Variants in SMYD3 observed in about 807,000 individuals in gnomAD.
The protein encoded by SMYD3 is histone-lysine N-methyltransferase SMYD3.
A neutral mutation model predicts 57.7 loss-of-function variants in SMYD3; 36 were observed. The observed-to-expected ratio is 0.62, with a 90% CI of 0.48 to 0.82. SMYD3 has a LOEUF of 0.82. SMYD3 is among the 40% of genes least tolerant of loss of function. The pLI, the probability that SMYD3 is intolerant of heterozygous loss-of-function variation, is 0.00. For synonymous variants in SMYD3, 211 were observed against 195.0 expected (o/e 1.08, Z -0.68); for missense variants, 515 against 538.8 (o/e 0.96, Z 0.44).
intron 1 of SMYD3, among the ~76,000 whole-genome samples, chr1:246,492,352 T>C (rs2103069796): frequency 6.6e-6 from 1 of 152,296 alleles, no homozygotes; most frequent in South Asian, 2.1e-4. Flanking sequence ...GCTCCCCAGG[T>C]GATTCCAGTG....
At chr1:246,503,570 C>G (rs2068489366) in intron 1 of SMYD3, among the ~76,000 whole-genome samples, 1 of 152,138 alleles carries the variant, frequency 6.6e-6, no homozygotes, top group Admixed American at 6.6e-5. Flanking sequence ...CTGCACTCAC[C>G]AAAGCAAACG....
In SMYD3 at chr1:246,050,293, T is replaced by C. The variant is rs375020925; in HGVS notation, c.532-120356A>G. Among the ~76,000 whole-genome samples, 3 of 152,300 alleles carry C rather than the reference T, an allele frequency of 2.0e-5. No individual in the cohort carries two copies. The East Asian group carries it at 5.8e-4, about 29-fold the overall frequency. On this transcript the variant is annotated intron_variant, in intron 5 of 11. Transcript: ENST00000490107. ...ACACAAAAATAGTTCACAGAGATAA[T>C]GTTACCCAATTATGAATTCAGAGAG...
intron 11 of SMYD3, among the ~76,000 whole-genome samples, chr1:245,763,339 T>C (rs1197112533): frequency 6.6e-6 from 1 of 152,022 alleles, no homozygotes; most frequent in South Asian, 2.1e-4. Context: ...GGTCATCGGG[T>C]ATGCCTACTG....
intron 5 of SMYD3, chr1:245,956,148 G>C (rs1002631965): frequency 2.6e-6 from 2 of 781,808 alleles, no homozygotes; most frequent in Admixed American, 1.2e-4. Flanking sequence ...AAACTCCTGG[G>C]ATCAAGCAAT....
intron 7 of SMYD3, 76 bp from the exon 8 acceptor site, chr1:245,915,716 C>A (rs2055359159): frequency 1.1e-6 from 1 of 941,682 alleles, no homozygotes; most frequent in South Asian, 1.8e-5. Context: ...ATTATTATTG[C>A]TAATTATTGG....
At chr1:245,948,356 G>A (rs74616458) in intron 5 of SMYD3, among the ~76,000 whole-genome samples, 1 of 152,186 alleles carries the variant, frequency 6.6e-6, no homozygotes, top group African/African-American at 2.4e-5. Flanking sequence ...GGAGAGGGAA[G>A]CAAGGCAGCC....
intron 5 of SMYD3, among the ~76,000 whole-genome samples, chr1:246,080,354 G>C (rs148165366): frequency 3.7e-5 from 5 of 133,652 alleles, no homozygotes; most frequent in Non-Finnish European, 8.2e-5. Flanking sequence ...TCATGAGGGC[G>C]TGAACCCTAT....
At chr1:245,939,468 C>CA (rs1302649614) in intron 5 of SMYD3, among the ~76,000 whole-genome samples, 2 of 151,938 alleles carry the variant, frequency 1.3e-5, no homozygotes, top group Admixed American at 6.6e-5. Flanking sequence ...TACTAAAATA[C>CA]AAAAAATTAG....
intron 8 of SMYD3, among the ~76,000 whole-genome samples, chr1:245,870,791 T>C (rs1326541380): frequency 6.6e-6 from 1 of 151,692 alleles, no homozygotes; most frequent in African/African-American, 2.4e-5. Flanking sequence ...CCAGGCTAGC[T>C]GAGTATAAAC....
Position 245,749,671 on chromosome 1 carries a change from A to C in SMYD3, c.1186-7T>G, listed in dbSNP as rs1396181594. The C allele has an allele frequency of 1.2e-6, 2 of 1,611,734 alleles. No individual in the cohort carries two copies. Among genetic ancestry groups the C allele is most frequent in the Admixed American group, 3.3e-5 (2 of 60,008 alleles). On this transcript the variant is annotated splice_region_variant and splice_polypyrimidine_tract_variant and intron_variant, in intron 11 of 11. Transcript: ENST00000490107. ...CTCTCATAATATCAAAAGCCTAAAGAGAAAGGACGGAAGAGAGATTAGACC... is the reference window on the plus strand; with the variant it reads ...CTCTCATAATATCAAAAGCCTAAAGCGAAAGGACGGAAGAGAGATTAGACC...
chr1:246,320,259 A>G (rs2065224411), intron 5 of SMYD3, among the ~76,000 whole-genome samples: 1 of 152,212 alleles, frequency 6.6e-6, no homozygotes, highest in African/African-American at 2.4e-5. Flanking sequence ...CAATCTATGC[A>G]ACCAGTACAT....
At chr1:246,205,275 C>T (rs999607080) in intron 5 of SMYD3, among the ~76,000 whole-genome samples, 7 of 152,232 alleles carry the variant, frequency 4.6e-5, no homozygotes, top group Admixed American at 2.0e-4. Flanking sequence ...CTCTTTCTAA[C>T]AAAGTTATTT....
intron 10 of SMYD3, among the ~76,000 whole-genome samples, chr1:245,839,659 G>T (rs1332928314): frequency 1.3e-5 from 2 of 151,870 alleles, no homozygotes; most frequent in Non-Finnish European, 2.9e-5. Context: ...AAAACCCAGT[G>T]ATTTGTGTAC....
At chr1:245,888,792 G>A (rs1186492758) in intron 8 of SMYD3, among the ~76,000 whole-genome samples, 1 of 152,184 alleles carries the variant, frequency 6.6e-6, no homozygotes, top group Non-Finnish European at 1.5e-5. Context: ...ATTTCAGCAG[G>A]TTTTAAAGAC....
At chr1:245,809,015 A>G (rs534922009) in intron 10 of SMYD3, among the ~76,000 whole-genome samples, 1 of 152,140 alleles carries the variant, frequency 6.6e-6, no homozygotes, top group Admixed American at 6.5e-5. Flanking sequence ...TCGGCCTCCC[A>G]AAGTGCTGGG....
chr1:246,419,208 T>C (rs2067106495), intron 1 of SMYD3, among the ~76,000 whole-genome samples: 2 of 152,246 alleles, frequency 1.3e-5, no homozygotes, highest in African/African-American at 4.8e-5. Flanking sequence ...GGGATAAACC[T>C]ATAAGATAAA....
chr1:245,786,093 T>TTTA (rs35256221), intron 10 of SMYD3, among the ~76,000 whole-genome samples: 9 of 140,230 alleles, frequency 6.4e-5, no homozygotes, highest in African/African-American at 2.2e-4. Context: ...TTTTTTTTTT[T>TTTA]AAAAAGCAAT....
chr1:246,015,631 G>A (rs1382392611), intron 5 of SMYD3, among the ~76,000 whole-genome samples: 4 of 152,086 alleles, frequency 2.6e-5, no homozygotes, highest in African/African-American at 9.7e-5. Flanking sequence ...CCTGGTACCC[G>A]CCATTCCGTC....
intron 10 of SMYD3, among the ~76,000 whole-genome samples, chr1:245,848,174 A>T (rs1442607138): frequency 6.6e-6 from 1 of 151,318 alleles, no homozygotes; most frequent in East Asian, 1.9e-4. Flanking sequence ...AACATGGTTC[A>T]CTGTAGCCTC....
Sources: gnomAD v4.1 joint callset for allele counts (sites outside exome capture counted in the v4.1 genomes callset) on GRCh38, gnomAD v4.1.1 for gene constraint, MANE v1.5 for transcripts, NCBI Gene and HGNC (gene_info 2026-07-23, HGNC 2026-07-21) for gene names.